Variants in GALNTL6 observed in about 807,000 individuals in gnomAD.
The protein encoded by GALNTL6 is polypeptide N-acetylgalactosaminyltransferase like 6, also known as polypeptide N-acetylgalactosaminyltransferase-like 6.
A neutral mutation model predicts 73.7 loss-of-function variants in GALNTL6; 46 were observed. That is an observed-to-expected ratio of 0.62 (90% CI 0.49 to 0.80). GALNTL6 has a LOEUF of 0.80. GALNTL6 is among the 30% of genes least tolerant of loss of function. The pLI is 0.00. For missense variants in GALNTL6, 604 were observed against 755.0 expected (o/e 0.80, Z 2.34); for synonymous variants, 259 against 263.7 (o/e 0.98, Z 0.17).
chr4:172,829,881 G>A (rs1406345254), intron 7 of GALNTL6, among the ~76,000 whole-genome samples: 4 of 152,012 alleles, frequency 2.6e-5, no homozygotes, highest in African/African-American at 4.8e-5. Context: ...TCTGAGAAAC[G>A]AAATCAAAGG....
At chr4:172,238,484 A>G (rs1737314601) in intron 3 of GALNTL6, among the ~76,000 whole-genome samples, 1 of 152,078 alleles carries the variant, frequency 6.6e-6, no homozygotes, top group Admixed American at 6.5e-5. Flanking sequence ...TGTTTATACA[A>G]TCTAGGAGCC....
chr4:172,167,916 G>A (rs534516487), intron 2 of GALNTL6, among the ~76,000 whole-genome samples: 25 of 146,376 alleles, frequency 1.7e-4, no homozygotes, highest in Non-Finnish European at 3.0e-4. Context: ...CCGAGATTGC[G>A]CCACTGCAGT....
At chr4:172,443,186 A>G (rs1376569908) in intron 5 of GALNTL6, among the ~76,000 whole-genome samples, 8 of 117,214 alleles carry the variant, frequency 6.8e-5, no homozygotes, top group Non-Finnish European at 1.4e-4. Flanking sequence ...TTTTTTTGAG[A>G]CAGAGTTTCA....
chr4:172,405,183 C>T (rs995529048), intron 5 of GALNTL6, among the ~76,000 whole-genome samples: 6 of 151,652 alleles, frequency 4.0e-5, no homozygotes, highest in Admixed American at 6.6e-5. Context: ...CCCTGGAAAC[C>T]GAATTTAACA....
chr4:172,252,816 A>T (rs1160793726), intron 3 of GALNTL6, among the ~76,000 whole-genome samples: 2 of 151,958 alleles, frequency 1.3e-5, no homozygotes, highest in African/African-American at 2.4e-5. Flanking sequence ...TTGGTACCTT[A>T]CGTTCATGTA....
chr4:172,825,073 T>C (rs1287465683), intron 7 of GALNTL6, among the ~76,000 whole-genome samples: 20 of 136,366 alleles, frequency 1.5e-4, no homozygotes, highest in African/African-American at 5.5e-4. Context: ...TTTTTTTTGG[T>C]TATCTTTTCT....
In GALNTL6 at chr4:172,318,829, A is replaced by T. The variant is rs80137473; in HGVS notation, c.386+7077A>T. Among the ~76,000 whole-genome samples, 11 of 152,242 alleles carry T rather than the reference A, an allele frequency of 7.2e-5. No individual in the cohort carries two copies. The South Asian group carries it at 1.7e-3, about 23-fold the overall frequency. On this transcript the variant is annotated intron_variant, in intron 4 of 12. Coordinates refer to ENST00000506823, the MANE Select transcript of GALNTL6 (RefSeq NM_001034845.3). ...GGAAAACAGTGCACATGAAAAAAAA[A>T]TCTAAAAATAAACTATGGCTGCTTC...
chr4:172,162,051 T>A (rs1470325525), intron 2 of GALNTL6, among the ~76,000 whole-genome samples: 2 of 151,982 alleles, frequency 1.3e-5, no homozygotes, highest in African/African-American at 2.4e-5. Flanking sequence ...AGTCGTACAA[T>A]GTAACAAGAA....
At chr4:172,772,373 T>C (rs1738820339) in intron 5 of GALNTL6, among the ~76,000 whole-genome samples, 1 of 152,228 alleles carries the variant, frequency 6.6e-6, no homozygotes, top group African/African-American at 2.4e-5. Context: ...TCCAGAGATG[T>C]AACTGTTTGG....
At chr4:172,501,825 G>A (rs1231029410) in intron 5 of GALNTL6, among the ~76,000 whole-genome samples, 1 of 152,062 alleles carries the variant, frequency 6.6e-6, no homozygotes, top group African/African-American at 2.4e-5. Flanking sequence ...ACTATAGTTG[G>A]TGAGACTATT....
At chr4:172,374,496 C>A (rs1742952399) in intron 5 of GALNTL6, among the ~76,000 whole-genome samples, 1 of 152,166 alleles carries the variant, frequency 6.6e-6, no homozygotes, top group Non-Finnish European at 1.5e-5. Flanking sequence ...CTTAAGGCCT[C>A]CCATAGCTGC....
rs1744280391 is a variant in GALNTL6 at position 172,407,500 on chromosome 4, T to C, written c.553+58811T>C. On this transcript the variant is annotated intron_variant, in intron 5 of 12. Transcript: ENST00000506823. ...AGCATTTCTTTCTTGGGCATTACTG[T>C]CATTTCATATATCAATGCTTCACTG... Among the ~76,000 whole-genome samples, 5 of 152,234 alleles carry C rather than the reference T, an allele frequency of 3.3e-5. No individual in the cohort carries two copies. The South Asian group carries it at 1.0e-3, about 31-fold the overall frequency.
intron 5 of GALNTL6, chr4:172,545,582 C>T (rs1215972294): frequency 5.3e-5 from 8 of 152,226 alleles, no homozygotes; most frequent in Non-Finnish European, 1.0e-4. Flanking sequence ...TTCCCTTATC[C>T]TTCTGGCACT....
intron 5 of GALNTL6, among the ~76,000 whole-genome samples, chr4:172,581,809 C>A (rs1374363533): frequency 6.6e-6 from 1 of 152,144 alleles, no homozygotes; most frequent in African/African-American, 2.4e-5. Flanking sequence ...TTTGGAATCC[C>A]ACCTCTCCTG....
chr4:173,029,979 G>A (rs1240120737), intron 12 of GALNTL6, among the ~76,000 whole-genome samples: 3 of 152,116 alleles, frequency 2.0e-5, no homozygotes, highest in African/African-American at 4.8e-5. Context: ...CCATTAATGA[G>A]CATCATTTGG....
chr4:172,168,424 A>C (rs1173831662), intron 2 of GALNTL6, among the ~76,000 whole-genome samples: 1 of 152,154 alleles, frequency 6.6e-6, no homozygotes, highest in East Asian at 1.9e-4. Flanking sequence ...AAATTTATTT[A>C]ACTGTTTCCT....
chr4:172,134,110 G>A (rs372228710), intron 2 of GALNTL6, among the ~76,000 whole-genome samples: 3 of 152,052 alleles, frequency 2.0e-5, no homozygotes, highest in South Asian at 4.1e-4. Flanking sequence ...GTGGCCGGGC[G>A]CAATGGCTCA....
chr4:172,362,516 G>A (rs901217342), intron 5 of GALNTL6, among the ~76,000 whole-genome samples: 2 of 151,886 alleles, frequency 1.3e-5, no homozygotes, highest in Non-Finnish European at 2.9e-5. Flanking sequence ...CTTCTCTTCT[G>A]CTATATTTTT....
rs181197417 is a variant in GALNTL6 at position 172,636,883 on chromosome 4, C to T, written c.554-172478C>T. ...AAGAACATAAGGCTTTTTTCTTCTT[C>T]CTAATAGTGGCTTTAATAGTTTGAT... is the stretch of plus-strand genomic sequence containing the variant. On this transcript the variant is annotated intron_variant, in intron 5 of 12. Transcript: ENST00000506823. 1.7e-4 allele frequency among the ~76,000 whole-genome samples: 26 copies of T among 152,142 alleles called. 1 individual carries two copies. In the East Asian group the frequency reaches 5.0e-3, roughly 29 times the overall value.
Sources: allele counts gnomAD v4.1 joint callset (sites outside exome capture counted in the v4.1 genomes callset), GRCh38; gene constraint gnomAD v4.1.1; transcripts MANE v1.5; gene names NCBI Gene and HGNC (gene_info 2026-07-23, HGNC 2026-07-21).